Variants in RPS6KA6 observed in about 807,000 individuals in gnomAD.
RPS6KA6 encodes ribosomal protein S6 kinase A6.
Under a neutral mutation model 65.4 loss-of-function variants are expected in RPS6KA6, and 27 were observed. The ratio of observed to expected loss-of-function variants is 0.41; its 90% CI spans 0.30 to 0.57. RPS6KA6 has a LOEUF of 0.57. RPS6KA6 is among the 20% of genes least tolerant of loss of function. The pLI is 0.24. For missense variants in RPS6KA6, 486 were observed against 555.6 expected (o/e 0.87, Z 1.26); for synonymous variants, 190 against 184.2 (o/e 1.03, Z -0.26).
chrX:84,123,629 A>C (rs2034720221), intron 8 of RPS6KA6, among the ~76,000 whole-genome samples: 1 of 112,215 alleles, frequency 8.9e-6, no homozygotes, highest in African/African-American at 3.2e-5. Context: ...GAAGTGCAAC[A>C]AAGATTCTGG....
intron 1 of RPS6KA6, among the ~76,000 whole-genome samples, chrX:84,171,239 G>A (rs1422556662): frequency 1.8e-5 from 2 of 111,478 alleles, no homozygotes; most frequent in African/African-American, 3.3e-5. Flanking sequence ...AGCTTGGTAG[G>A]GCCCTAAGCA....
chrX:84,116,339 T>C (rs1197104886), intron 11 of RPS6KA6, 52 bp from the exon 12 acceptor site: 24 of 686,308 alleles, frequency 3.5e-5, no homozygotes, highest in Non-Finnish European at 4.9e-5. Flanking sequence ...TTAGTCTTGC[T>C]CCCTGGCTTC....
Position 84,142,853 on chromosome X carries a change from A to G in RPS6KA6, c.501+2625T>C, listed in dbSNP as rs75494100. 4.6e-3 allele frequency among the ~76,000 whole-genome samples: 516 copies of G among 111,214 alleles called. 18 individuals carry two copies. The East Asian group carries it at 0.12, about 26-fold the overall frequency. Reference sequence around the variant, plus strand: ...ATTTTGGAGTTAAATACTTTCCTATAAGAAAAACTTCAGGTTCAGATGCCT... The same window carrying G: ...ATTTTGGAGTTAAATACTTTCCTATGAGAAAAACTTCAGGTTCAGATGCCT... On this transcript the variant is annotated intron_variant, in intron 6 of 21. Transcript: ENST00000262752.
intron 8 of RPS6KA6, among the ~76,000 whole-genome samples, chrX:84,125,270 C>T (rs1328475647): frequency 8.9e-6 from 1 of 111,778 alleles, no homozygotes; most frequent in East Asian, 2.8e-4. Context: ...ATTATGCTGT[C>T]ATTGTGGGGT....
At chrX:84,156,366 G>A (rs2035416374) in intron 2 of RPS6KA6, among the ~76,000 whole-genome samples, 175 bp from the exon 3 acceptor site, 1 of 110,820 alleles carries the variant, frequency 9.0e-6, no homozygotes, top group African/African-American at 3.3e-5. Flanking sequence ...ACACACAGAT[G>A]CACCACCACC....
At chrX:84,082,534 T>C (rs997764440) in intron 20 of RPS6KA6, among the ~76,000 whole-genome samples, 1 of 112,059 alleles carries the variant, frequency 8.9e-6, no homozygotes, top group Non-Finnish European at 1.9e-5. Context: ...AAGTAATTTA[T>C]AGATTCAATG....
At chrX:84,120,272 T>G (rs2034643247) in intron 8 of RPS6KA6, among the ~76,000 whole-genome samples, 1 of 111,051 alleles carries the variant, frequency 9.0e-6, no homozygotes, top group Non-Finnish European at 1.9e-5. Context: ...AGGTCTACAC[T>G]AGAATATAGT....
At chrX:84,156,508 C>T (rs5922916) in intron 2 of RPS6KA6, among the ~76,000 whole-genome samples, 8,872 of 110,972 alleles carry the variant, frequency 0.08, 316 homozygotes, top group Middle Eastern at 0.24. Context: ...TGGACTGTGA[C>T]TAATGAGGTA....
chrX:84,169,661 T>C (rs1316304259), intron 1 of RPS6KA6, among the ~76,000 whole-genome samples: 2 of 111,488 alleles, frequency 1.8e-5, no homozygotes, highest in Non-Finnish European at 3.8e-5. Context: ...ACTTTTTCCT[T>C]ATTTGTGTGC....
chrX:84,156,388 T>C (rs1336224516), intron 2 of RPS6KA6, among the ~76,000 whole-genome samples, 197 bp from the exon 3 acceptor site: 1 of 111,166 alleles, frequency 9.0e-6, no homozygotes, highest in African/African-American at 3.3e-5. Context: ...CCTTCCCTAC[T>C]ACATAATTTC....
At chrX:84,179,618 G>T (rs748633716) in intron 1 of RPS6KA6, among the ~76,000 whole-genome samples, 3 of 111,432 alleles carry the variant, frequency 2.7e-5, no homozygotes, top group Non-Finnish European at 5.7e-5. Flanking sequence ...TTGAAAATCC[G>T]TATTGACTGA....
chrX:84,081,240 A>G (rs971416100), intron 20 of RPS6KA6, among the ~76,000 whole-genome samples: 7 of 111,782 alleles, frequency 6.3e-5, no homozygotes, highest in African/African-American at 2.3e-4. Context: ...TAAAGAGGAA[A>G]AGAGAGAAGA....
chrX:84,069,411 A>G (rs925110948), intron 20 of RPS6KA6, among the ~76,000 whole-genome samples: 1 of 112,094 alleles, frequency 8.9e-6, no homozygotes, highest in Non-Finnish European at 1.9e-5. Context: ...ATAAAAATTA[A>G]CTCAAGGTGG....
chrX:84,149,159 T>C (rs763073807), intron 3 of RPS6KA6, among the ~76,000 whole-genome samples: 2 of 112,282 alleles, frequency 1.8e-5, no homozygotes, highest in South Asian at 7.5e-4. Context: ...TCAAGTTTTA[T>C]CATGAGACTG....
At position 84,060,215 on chromosome X, in the gene RPS6KA6, A is replaced by G. The variant is rs1004475636; in HGVS notation, c.*4062T>C. On this transcript the variant is annotated 3_prime_UTR_variant, in exon 22 of 22. Transcript: ENST00000262752. ...ATTCTGCTAATTTCAACAATCATTGATCTTGAGGTACATGCCAAAAATGCC... is the reference window on the plus strand; with the variant it reads ...ATTCTGCTAATTTCAACAATCATTGGTCTTGAGGTACATGCCAAAAATGCC... 4 of 111,585 alleles carry G rather than the reference A, an allele frequency of 3.6e-5. No homozygotes were observed. Among genetic ancestry groups the G allele is most frequent in the African/African-American group, 1.3e-4 (4 of 30,762 alleles). The allele number at this position is 111,585 out of a possible 1,213,427, so 9.2% of individuals were successfully genotyped here. A position where few individuals can be genotyped will look rare whatever the true frequency, so the allele number is the denominator to read the frequency against.
At chrX:84,151,171 T>G (rs1569235884) in intron 3 of RPS6KA6, among the ~76,000 whole-genome samples, 30 of 99,582 alleles carry the variant, frequency 3.0e-4, no homozygotes, top group African/African-American at 1.1e-3. Context: ...TATATAGATA[T>G]ATATATAGCT....
rs1430524651 is a variant in RPS6KA6, at chrX:84,135,289, T to C, written c.502-79A>G. The C allele has an allele frequency of 3.5e-5, 22 of 624,219 alleles. No individual in the cohort carries two copies. The South Asian group carries it at 6.9e-4, about 20-fold the overall frequency. 51.4% of individuals were successfully genotyped at this position (624,219 alleles called of 1,213,427 possible). ...TTAAAAATACTTCTTTCAAAATGAG[T>C]AGACAGACAAATCTAGGAAAATAAT... On this transcript the variant is annotated intron_variant, in intron 6 of 21. Transcript: ENST00000262752.
chrX:84,112,854 AG>A (rs1350863703), intron 12 of RPS6KA6, among the ~76,000 whole-genome samples: 1 of 111,912 alleles, frequency 8.9e-6, no homozygotes, highest in East Asian at 2.8e-4. Flanking sequence ...GACCAAAAAA[AG>A]GATCAACAAA....
intron 1 of RPS6KA6, among the ~76,000 whole-genome samples, chrX:84,186,603 C>T (rs1006181001): frequency 9.0e-6 from 1 of 111,145 alleles, no homozygotes; most frequent in Non-Finnish European, 1.9e-5. Flanking sequence ...GTTATTCTAG[C>T]ATGTAATCTT....
Sources: allele counts gnomAD v4.1 joint callset (sites outside exome capture counted in the v4.1 genomes callset), GRCh38; gene constraint gnomAD v4.1.1; transcripts MANE v1.5; gene names NCBI Gene and HGNC (gene_info 2026-07-23, HGNC 2026-07-21).